The following SLC25A40 variants were observed in gnomAD, a reference collection of about 807,000 sequenced individuals.
The protein encoded by SLC25A40 is solute carrier family 25 member 40.
Under a neutral mutation model 46.5 loss-of-function variants are expected in SLC25A40, and 41 were observed. The observed-to-expected ratio is 0.88, with a 90% CI of 0.69 to 1.14. The LOEUF is 1.14. Among genes scored for constraint, SLC25A40 ranks in the 50% most tolerant of loss-of-function variants. The probability of loss-of-function intolerance (pLI) is 0.00; values close to 1 mark genes in which losing one functional copy is unlikely to be tolerated. For synonymous variants in SLC25A40, 126 were observed against 127.5 expected (o/e 0.99, Z 0.08); for missense variants, 386 against 393.6 (o/e 0.98, Z 0.16).
intron 5 of SLC25A40, among the ~76,000 whole-genome samples, chr7:87,852,288 T>A (rs746960210): frequency 4.6e-5 from 7 of 151,668 alleles, no homozygotes; most frequent in South Asian, 2.1e-4. Flanking sequence ...GAAAAAAAAA[T>A]AAATAAATAA....
At chr7:87,854,744 A>G (rs1418243252) in intron 4 of SLC25A40, among the ~76,000 whole-genome samples, 2 of 149,344 alleles carry the variant, frequency 1.3e-5, no homozygotes, top group Non-Finnish European at 3.0e-5. Flanking sequence ...CCCGGGAGGC[A>G]GAGCTTGCAG....
chr7:87,846,962 A>C lies in SLC25A40; in HGVS notation c.618T>G (p.Asp206Glu). Residue 206 changes from aspartate to glutamate, a missense_variant, in exon 8 of 12, where the codon GAT (aspartate) becomes GAG (glutamate). Transcript: ENST00000341119. ...WRGWAPTVLR[D>E]VPFSAMYWYN... ...GATAAATCCTACCTGAGAAAGGTAC[A>C]TCTCTAAGAACAGTAGGAGCCCAGC... is the stretch of plus-strand genomic sequence containing the variant. 2 of 1,607,034 alleles carry C rather than the reference A, an allele frequency of 1.2e-6. No homozygotes were observed. The highest frequency in any genetic ancestry group is 1.7e-6 in the Non-Finnish European group (2 of 1,177,550).
At chr7:87,864,759 C>T (rs1838761939) in intron 1 of SLC25A40, among the ~76,000 whole-genome samples, 1 of 152,070 alleles carries the variant, frequency 6.6e-6, no homozygotes, top group African/African-American at 2.4e-5. Flanking sequence ...TTTCTTAATC[C>T]ATTTAGCCAT....
chr7:87,857,849 C>T (rs1017338700), intron 3 of SLC25A40, among the ~76,000 whole-genome samples: 4 of 152,210 alleles, frequency 2.6e-5, no homozygotes, highest in Non-Finnish European at 5.9e-5. Flanking sequence ...TGACTGCCCG[C>T]AGGGTCGGGC....
intron 10 of SLC25A40, 129 bp downstream of exon 10, chr7:87,841,504 T>C (rs1838333863): frequency 2.0e-6 from 1 of 506,190 alleles, no homozygotes; most frequent in Non-Finnish European, 3.3e-6. Flanking sequence ...GTATATTACT[T>C]TCAGTAAAAT....
intron 8 of SLC25A40, 195 bp from the exon 9 acceptor site, chr7:87,844,058 A>G (rs1261826450): frequency 1.1e-6 from 1 of 889,748 alleles, no homozygotes; most frequent in Non-Finnish European, 1.3e-6. Context: ...GTAGTCCTAT[A>G]AACAAAAAAA....
At chr7:87,875,685 T>C (rs1838989224) in intron 1 of SLC25A40, among the ~76,000 whole-genome samples, 1 of 151,958 alleles carries the variant, frequency 6.6e-6, no homozygotes, top group South Asian at 2.1e-4. Context: ...ATTGTTGAAA[T>C]AAACTTACAC....
At chr7:87,849,258 G>T (rs1168009743) in intron 6 of SLC25A40, among the ~76,000 whole-genome samples, 1 of 152,110 alleles carries the variant, frequency 6.6e-6, no homozygotes, top group African/African-American at 2.4e-5. Context: ...CTTCAGGAGG[G>T]CCTATGTGCA....
intron 4 of SLC25A40, among the ~76,000 whole-genome samples, 185 bp downstream of exon 4, chr7:87,856,107 A>G (rs1479681916): frequency 6.6e-6 from 1 of 151,962 alleles, no homozygotes; most frequent in African/African-American, 2.4e-5. Context: ...TATAAATATT[A>G]TGTATTTATT....
intron 3 of SLC25A40, among the ~76,000 whole-genome samples, chr7:87,858,018 G>A (rs538158925): frequency 6.6e-6 from 1 of 152,290 alleles, no homozygotes; most frequent in South Asian, 2.1e-4. Flanking sequence ...GCCACTCTGG[G>A]AGTGTCTGTC....
intron 1 of SLC25A40, among the ~76,000 whole-genome samples, chr7:87,865,097 C>G (rs1047487957): frequency 3.3e-5 from 5 of 151,830 alleles, no homozygotes; most frequent in Non-Finnish European, 5.9e-5. Context: ...TTGCCTTAGC[C>G]TCTTGCAGAC....
Position 87,835,505 on chromosome 7 carries a change from C to A in SLC25A40, c.*744G>T, listed in dbSNP as rs1165165667. On this transcript the variant is annotated 3_prime_UTR_variant, in exon 12 of 12. Transcript: ENST00000341119. Reference sequence around the variant, plus strand: ...TACTATATGGTTTACCACTGAACACCCAAGTTTGACTGAAGTGAACATTTG... The same window carrying A: ...TACTATATGGTTTACCACTGAACACACAAGTTTGACTGAAGTGAACATTTG... The A allele has an allele frequency of 6.6e-6, 1 of 151,460 alleles. No homozygotes were observed. Among genetic ancestry groups the A allele is most frequent in the Non-Finnish European group, 1.5e-5 (1 of 67,654 alleles). 9.4% of individuals were successfully genotyped at this position (151,460 alleles called of 1,614,324 possible).
intron 3 of SLC25A40, among the ~76,000 whole-genome samples, chr7:87,856,952 T>G (rs1426254978): frequency 6.6e-6 from 1 of 152,190 alleles, no homozygotes; most frequent in Non-Finnish European, 1.5e-5. Context: ...ATGATGATAA[T>G]TATATTAGAT....
chr7:87,854,201 T>G lies in SLC25A40; in HGVS notation c.264+3A>C. 1.3e-6 allele frequency: 2 copies of G among 1,578,156 alleles called. No individual in the cohort carries two copies. Among genetic ancestry groups the G allele is most frequent in the Non-Finnish European group, 1.7e-6 (2 of 1,148,478 alleles). ...GTGATTCTAAGGAATATAATCACCT[T>G]ACCAATGTTCCCTGGAAATTTCCTG... On this transcript the variant is annotated splice_donor_region_variant and intron_variant, in intron 5 of 11. Transcript: ENST00000341119.
At chr7:87,856,451 T>C (rs976716300) in intron 3 of SLC25A40, 100 bp from the exon 4 acceptor site, 2 of 920,194 alleles carry the variant, frequency 2.2e-6, no homozygotes, top group Non-Finnish European at 1.8e-6. Flanking sequence ...CTTTTCCTCA[T>C]GGCTATATAA....
intron 1 of SLC25A40, among the ~76,000 whole-genome samples, chr7:87,866,613 C>T (rs1226628810): frequency 6.6e-6 from 1 of 152,174 alleles, no homozygotes; most frequent in Non-Finnish European, 1.5e-5. Context: ...CTCCTTATTG[C>T]CTTCATGTCT....
intron 9 of SLC25A40, among the ~76,000 whole-genome samples, chr7:87,842,572 TA>T (rs1562742143): frequency 1.3e-5 from 2 of 152,060 alleles, no homozygotes; most frequent in African/African-American, 4.8e-5. Flanking sequence ...TCAGGTAAGG[TA>T]AAATCAAGGA....
chr7:87,866,700 G>A (rs1838806466), intron 1 of SLC25A40, among the ~76,000 whole-genome samples: 1 of 152,196 alleles, frequency 6.6e-6, no homozygotes, highest in African/African-American at 2.4e-5. Flanking sequence ...AAGCAGTGGA[G>A]TATAATCAAA....
At chr7:87,837,251 C>T (rs868313024) in intron 10 of SLC25A40, 1 of 150,802 alleles carries the variant, frequency 6.6e-6, no homozygotes, top group Non-Finnish European at 1.5e-5. Flanking sequence ...AGTGAGACCC[C>T]TATCTCTTAA....
Sources: gnomAD v4.1 joint callset for allele counts (sites outside exome capture counted in the v4.1 genomes callset) on GRCh38, gnomAD v4.1.1 for gene constraint, MANE v1.5 for transcripts, NCBI Gene and HGNC (gene_info 2026-07-23, HGNC 2026-07-21) for gene names.